The following ATP6V0D2 variants were observed in gnomAD, a reference collection of about 807,000 sequenced individuals.
The protein encoded by ATP6V0D2 is V-type proton ATPase subunit d 2.
In ATP6V0D2, 40 loss-of-function variants were observed where a neutral mutation model predicts 40.0. That is an observed-to-expected ratio of 1.00 (90% CI 0.78 to 1.30). The LOEUF is 1.30. Among genes scored for constraint, ATP6V0D2 ranks in the 50% most tolerant of loss-of-function variants. ATP6V0D2 has a pLI of 0.00. For synonymous variants in ATP6V0D2, 179 were observed against 156.3 expected (o/e 1.15, Z -1.08); for missense variants, 470 against 423.1 (o/e 1.11, Z -0.97).
intron 1 of ATP6V0D2, among the ~76,000 whole-genome samples, chr8:86,107,793 G>T (rs985524756): frequency 1.3e-5 from 2 of 152,166 alleles, no homozygotes; most frequent in African/African-American, 4.8e-5. Flanking sequence ...TATTCAAAAC[G>T]GGAGTGAGCA....
At chr8:86,122,892 G>T (rs1262708223) in intron 2 of ATP6V0D2, among the ~76,000 whole-genome samples, 1 of 152,146 alleles carries the variant, frequency 6.6e-6, no homozygotes, top group Non-Finnish European at 1.5e-5. Flanking sequence ...CAGAGACTTG[G>T]GCAAGAGAGT....
chr8:86,136,918 C>T (rs1483227501), intron 2 of ATP6V0D2, among the ~76,000 whole-genome samples: 1 of 152,192 alleles, frequency 6.6e-6, no homozygotes, highest in Non-Finnish European at 1.5e-5. Context: ...GTCCCTTCCT[C>T]CTTCTGATCT....
intron 2 of ATP6V0D2, among the ~76,000 whole-genome samples, chr8:86,138,659 G>A (rs997695049): frequency 2.0e-5 from 3 of 152,354 alleles, no homozygotes; most frequent in Non-Finnish European, 2.9e-5. Flanking sequence ...TGCGAGGACA[G>A]AATTACACAG....
intron 2 of ATP6V0D2, among the ~76,000 whole-genome samples, chr8:86,124,982 G>C (rs1226970501): frequency 6.6e-6 from 1 of 152,130 alleles, no homozygotes; most frequent in Non-Finnish European, 1.5e-5. Flanking sequence ...AGTGAGAAAA[G>C]GTGGCATGAA....
At chr8:86,142,401 T>G (rs140441212) in intron 4 of ATP6V0D2, among the ~76,000 whole-genome samples, 1 of 152,290 alleles carries the variant, frequency 6.6e-6, no homozygotes, top group African/African-American at 2.4e-5. Context: ...TTGGAAGAAG[T>G]CAGTTAGCTA....
intron 5 of ATP6V0D2, among the ~76,000 whole-genome samples, chr8:86,145,232 A>AG (rs1819038176): frequency 7.1e-5 from 3 of 42,278 alleles, no homozygotes; most frequent in African/African-American, 2.8e-4. Flanking sequence ...AGAAAGAAAG[A>AG]AAGAGAGAGA....
rs1438685959 is a variant in ATP6V0D2 at position 86,141,464 on chromosome 8, G to C, written c.496G>C (p.Asp166His). The change falls in exon 4 of 8, where the codon GAC becomes CAC. Residue 166 changes from aspartate to histidine, a missense_variant. Transcript: ENST00000285393. ...IETPLAPFFQ[D>H]CMSENALDEL... ...TCTGCTTTCAGCTCCATTCTTCCAA[G>C]ACTGCATGTCTGAAAATGCTCTAGA... is the stretch of plus-strand genomic sequence containing the variant. The C allele has an allele frequency of 6.2e-7, 1 of 1,610,634 alleles. No individual in the cohort carries two copies. The highest frequency in any genetic ancestry group is 2.2e-5 in the East Asian group (1 of 44,776).
chr8:86,153,070 C>T lies in ATP6V0D2; in HGVS notation c.*93C>T. 2 of 1,129,334 alleles carry T rather than the reference C, an allele frequency of 1.8e-6. No homozygotes were observed. The highest frequency in any genetic ancestry group is 2.4e-6 in the Non-Finnish European group (2 of 834,380). 70.0% of individuals were successfully genotyped at this position (1,129,334 alleles called of 1,614,324 possible). A position where few individuals can be genotyped will look rare whatever the true frequency, so the allele number is the denominator to read the frequency against. On this transcript the variant is annotated 3_prime_UTR_variant, in exon 8 of 8. Coordinates refer to ENST00000285393, the MANE Select transcript of ATP6V0D2 (RefSeq NM_152565.1). ...AAATTATGTTATATTATCTAGACTA[C>T]ACAAAAGTAAGCCACACTATATCTT...
chr8:86,117,551 A>G (rs563997185), intron 2 of ATP6V0D2, among the ~76,000 whole-genome samples: 1 of 152,292 alleles, frequency 6.6e-6, no homozygotes, highest in Admixed American at 6.5e-5. Context: ...TGTTTGCCAT[A>G]CTCAGTCCTC....
chr8:86,152,238 G>A (rs984592214), intron 7 of ATP6V0D2, among the ~76,000 whole-genome samples: 2 of 152,078 alleles, frequency 1.3e-5, no homozygotes, highest in African/African-American at 4.8e-5. Flanking sequence ...CCATGTCCCT[G>A]CAAAGGACAT....
At chr8:86,134,283 C>T (rs1460668301) in intron 2 of ATP6V0D2, among the ~76,000 whole-genome samples, 1 of 152,082 alleles carries the variant, frequency 6.6e-6, no homozygotes, top group Non-Finnish European at 1.5e-5. Context: ...GAGATTTTGT[C>T]ACCAGCAGAC....
At chr8:86,146,920 C>G (rs768232664) in intron 5 of ATP6V0D2, among the ~76,000 whole-genome samples, 2 of 151,848 alleles carry the variant, frequency 1.3e-5, no homozygotes, top group Non-Finnish European at 2.9e-5. Flanking sequence ...TGGCCAGAGA[C>G]TTCAAGAGAC....
At chr8:86,129,989 A>G (rs1482223170) in intron 2 of ATP6V0D2, among the ~76,000 whole-genome samples, 1 of 151,190 alleles carries the variant, frequency 6.6e-6, no homozygotes, top group Non-Finnish European at 1.5e-5. Context: ...AAAGAAAAAA[A>G]AAAAAAAAAG....
chr8:86,147,942 C>G (rs1255588350), intron 5 of ATP6V0D2, among the ~76,000 whole-genome samples: 1 of 152,118 alleles, frequency 6.6e-6, no homozygotes, highest in African/African-American at 2.4e-5. Context: ...TATTCTCTCC[C>G]CAGCCAGCTG....
At chr8:86,120,803 G>T (rs537052973) in intron 2 of ATP6V0D2, among the ~76,000 whole-genome samples, 19 of 152,300 alleles carry the variant, frequency 1.2e-4, no homozygotes, top group African/African-American at 4.3e-4. Context: ...AAGAGACATG[G>T]AAGGGATTCC....
Position 86,150,172 on chromosome 8 carries a change from A to C in ATP6V0D2, c.700A>C (p.Lys234Gln). 3 of 1,613,544 alleles carry C rather than the reference A, an allele frequency of 1.9e-6. No individual in the cohort carries two copies. Among genetic ancestry groups the C allele is most frequent in the Non-Finnish European group, 2.5e-6 (3 of 1,179,910 alleles). ...TAACTCCTTTGGCACTGAATTGAGCAAAGAAGACCGAGAGACCCTCTATCC... is the reference window on the plus strand; with the variant it reads ...TAACTCCTTTGGCACTGAATTGAGCCAAGAAGACCGAGAGACCCTCTATCC... ...TLNSFGTELS[K>Q]EDRETLYPTF... Residue 234 changes from lysine (K) to glutamine (Q), a missense_variant, in exon 6 of 8, where the codon AAA becomes CAA. By Grantham distance (53) the Lys-to-Gln change is moderately conservative. Transcript: ENST00000285393.
chr8:86,128,663 A>T (rs1160831027), intron 2 of ATP6V0D2, among the ~76,000 whole-genome samples: 2 of 152,256 alleles, frequency 1.3e-5, no homozygotes. Flanking sequence ...TAAAGGAAAC[A>T]TCATATAAAA....
chr8:86,105,504 C>G (rs982045432), intron 1 of ATP6V0D2, among the ~76,000 whole-genome samples: 3 of 151,790 alleles, frequency 2.0e-5, no homozygotes, highest in African/African-American at 7.3e-5. Flanking sequence ...ATTCATGTTG[C>G]GCAGGCTGGT....
At chr8:86,105,710 G>A (rs1438041875) in intron 1 of ATP6V0D2, among the ~76,000 whole-genome samples, 1 of 143,272 alleles carries the variant, frequency 7.0e-6, no homozygotes, top group Non-Finnish European at 1.5e-5. Context: ...CGCCTCCCAG[G>A]TTCATGCCAT....
Sources: gnomAD v4.1 joint callset for allele counts (sites outside exome capture counted in the v4.1 genomes callset) on GRCh38, gnomAD v4.1.1 for gene constraint, MANE v1.5 for transcripts, NCBI Gene and HGNC (gene_info 2026-07-23, HGNC 2026-07-21) for gene names.